Variants in HYCC1 observed in about 807,000 individuals in gnomAD.
HYCC1 encodes hyccin PI4KA lipid kinase complex subunit 1, also known as hyccin.
chr7:22,921,969 T>G, the HYCC1 span, among the ~76,000 whole-genome samples: 2 of 151,914 alleles, frequency 1.3e-5, no homozygotes, highest in Non-Finnish European at 2.9e-5. Flanking sequence ...TAAGAAAAAC[T>G]CAAAAGCCTA....
the HYCC1 span, among the ~76,000 whole-genome samples, chr7:22,925,888 A>G: frequency 6.6e-6 from 1 of 152,216 alleles, no homozygotes; most frequent in African/African-American, 2.4e-5. Context: ...TGTCAGATTC[A>G]CCAAAGTTGA....
At chr7:22,948,595 T>C in the HYCC1 span, among the ~76,000 whole-genome samples, 1 of 152,020 alleles carries the variant, frequency 6.6e-6, no homozygotes, top group African/African-American at 2.4e-5. Flanking sequence ...AAACTTAAGA[T>C]AAAAGTTGTT....
At chr7:22,928,434 A>T in the HYCC1 span, among the ~76,000 whole-genome samples, 19 of 152,198 alleles carry the variant, frequency 1.2e-4, no homozygotes, top group African/African-American at 4.6e-4. Context: ...TATCTAGAAA[A>T]CCCCATAGTC....
At chr7:23,000,391 T>C in the HYCC1 span, among the ~76,000 whole-genome samples, 1 of 152,096 alleles carries the variant, frequency 6.6e-6, no homozygotes, top group East Asian at 1.9e-4. Flanking sequence ...TATATCTATA[T>C]AGATATCTGC....
the HYCC1 span, chr7:22,985,881 TG>T: frequency 6.7e-6 from 1 of 149,756 alleles, no homozygotes; most frequent in African/African-American, 2.4e-5. Flanking sequence ...GTCTAACATA[TG>T]TAACTATGTA....
At chr7:22,916,919 C>T in the HYCC1 span, among the ~76,000 whole-genome samples, 3 of 152,174 alleles carry the variant, frequency 2.0e-5, no homozygotes, top group Non-Finnish European at 1.5e-5. Context: ...ATATCCTGCA[C>T]CACCATGCTG....
At chr7:22,948,532 C>T in the HYCC1 span, among the ~76,000 whole-genome samples, 7 of 152,012 alleles carry the variant, frequency 4.6e-5, no homozygotes, top group Non-Finnish European at 1.0e-4. Flanking sequence ...AGGTGACTAA[C>T]GTGTAACAAA....
the HYCC1 span, among the ~76,000 whole-genome samples, chr7:22,907,468 A>C: frequency 1.3e-5 from 2 of 152,204 alleles, no homozygotes; most frequent in Non-Finnish European, 2.9e-5. Context: ...ACAACTATTC[A>C]AACACCATTT....
chr7:22,982,778 C>CA, the HYCC1 span, among the ~76,000 whole-genome samples: 1 of 152,068 alleles, frequency 6.6e-6, no homozygotes, highest in Middle Eastern at 3.4e-3. Context: ...CCCCTCAGTG[C>CA]AAAAAAAGTC....
At chr7:22,975,722 GTTCT>G in the HYCC1 span, among the ~76,000 whole-genome samples, 4 of 152,024 alleles carry the variant, frequency 2.6e-5, 1 homozygote, top group Admixed American at 1.3e-4. Context: ...TTTTGTTTGT[GTTCT>G]TTGTTTTTGA....
the HYCC1 span, among the ~76,000 whole-genome samples, chr7:22,954,128 TA>T: frequency 6.6e-6 from 1 of 151,356 alleles, no homozygotes; most frequent in African/African-American, 2.4e-5. Flanking sequence ...CTCATAGTTG[TA>T]AAATCAGATT....
At chr7:22,979,720 T>A in the HYCC1 span, among the ~76,000 whole-genome samples, 5 of 152,168 alleles carry the variant, frequency 3.3e-5, no homozygotes, top group African/African-American at 1.2e-4. Context: ...GAAATCTTAT[T>A]TGAAATTTTA....
the HYCC1 span, among the ~76,000 whole-genome samples, chr7:22,957,747 ATT>A: frequency 1.3e-5 from 2 of 151,882 alleles, no homozygotes; most frequent in African/African-American, 4.8e-5. Context: ...TGGGAAACAC[ATT>A]TAGAGTTCCA....
At chr7:22,976,769 G>A in the HYCC1 span, 1 of 1,613,558 alleles carries the variant, frequency 6.2e-7, no homozygotes, top group South Asian at 1.1e-5. Context: ...TGCTGGGATA[G>A]TGCACTCTCA....
At chr7:22,997,172 A>G in the HYCC1 span, among the ~76,000 whole-genome samples, 6 of 152,306 alleles carry the variant, frequency 3.9e-5, no homozygotes, top group East Asian at 1.2e-3. Context: ...TATTAATAAC[A>G]ATTACCAAAA....
At chr7:22,986,234 G>T in the HYCC1 span, among the ~76,000 whole-genome samples, 1 of 151,966 alleles carries the variant, frequency 6.6e-6, no homozygotes, top group African/African-American at 2.4e-5. Flanking sequence ...GAAAGGAAGG[G>T]TATCTTAAAT....
At chr7:23,007,248 G>A in the HYCC1 span, among the ~76,000 whole-genome samples, 1 of 152,256 alleles carries the variant, frequency 6.6e-6, no homozygotes, top group East Asian at 1.9e-4. Context: ...GTAATATGGG[G>A]TGAAGAAAGA....
the HYCC1 span, among the ~76,000 whole-genome samples, chr7:22,918,299 A>T: frequency 6.6e-6 from 1 of 152,102 alleles, no homozygotes; most frequent in African/African-American, 2.4e-5. Context: ...ACAAAACCAT[A>T]TCCAGGCCAT....
the HYCC1 span, chr7:22,960,482 C>T: frequency 5.5e-6 from 7 of 1,268,334 alleles, no homozygotes; most frequent in Admixed American, 5.1e-5. Flanking sequence ...TCTAACCCTT[C>T]GATAAAACAT....
Sources: gnomAD v4.1 joint callset for allele counts (sites outside exome capture counted in the v4.1 genomes callset) on GRCh38, gnomAD v4.1.1 for gene constraint, MANE v1.5 for transcripts, NCBI Gene and HGNC (gene_info 2026-07-23, HGNC 2026-07-21) for gene names.